Variants in SH3BP5 observed in about 807,000 individuals in gnomAD.
The protein encoded by SH3BP5 is SH3 domain binding protein 5, also known as SH3 domain-binding protein 5.
Under a neutral mutation model 43.3 loss-of-function variants are expected in SH3BP5, and 22 were observed. The ratio of observed to expected loss-of-function variants is 0.51; its 90% CI spans 0.36 to 0.73. The LOEUF (loss-of-function observed/expected upper bound fraction) is 0.73. Ranked by LOEUF, SH3BP5 falls within the 30% of genes least tolerant of loss-of-function variation. SH3BP5 has a pLI of 0.00. For synonymous variants in SH3BP5, 255 were observed against 225.8 expected, an observed-to-expected ratio of 1.13 and a Z score of -1.16; for missense variants, 529 against 586.9, an observed-to-expected ratio of 0.90 and a Z score of 1.02.
chr3:15,304,418 T>A (rs1697840644), intron 2 of SH3BP5, 187 bp from the exon 3 acceptor site: 5 of 845,560 alleles, frequency 5.9e-6, no homozygotes, highest in Non-Finnish European at 9.6e-6. Flanking sequence ...GGCGGAAACG[T>A]CCTGTGCTCT....
chr3:15,256,567 C>G, intron 8 of SH3BP5: 1 of 592,978 alleles, frequency 1.7e-6, no homozygotes, highest in South Asian at 2.1e-5. Flanking sequence ...GCCATATTCA[C>G]TTTATTGCTG....
intron 2 of SH3BP5, among the ~76,000 whole-genome samples, chr3:15,307,559 G>T (rs1697943518): frequency 6.6e-6 from 1 of 152,216 alleles, no homozygotes; most frequent in African/African-American, 2.4e-5. Context: ...GAATACAAAT[G>T]TAAAACATTT....
At chr3:15,306,306 C>G (rs1697903990) in intron 2 of SH3BP5, among the ~76,000 whole-genome samples, 1 of 152,178 alleles carries the variant, frequency 6.6e-6, no homozygotes, top group Non-Finnish European at 1.5e-5. Context: ...TTGCAGTGAG[C>G]TAAGATCGCG....
chr3:15,322,602 C>G (rs1698357457), intron 2 of SH3BP5, among the ~76,000 whole-genome samples: 1 of 151,974 alleles, frequency 6.6e-6, no homozygotes, highest in Admixed American at 6.6e-5. Flanking sequence ...CTTTGGGAAG[C>G]CGAGGCAGGA....
intron 4 of SH3BP5, among the ~76,000 whole-genome samples, chr3:15,266,036 C>G (rs966815409): frequency 6.6e-6 from 1 of 152,212 alleles, no homozygotes; most frequent in Non-Finnish European, 1.5e-5. Context: ...CCTCCTGTTA[C>G]AGCTTTCTCG....
intron 3 of SH3BP5, among the ~76,000 whole-genome samples, chr3:15,298,311 G>A (rs1326987872): frequency 6.6e-6 from 1 of 152,042 alleles, no homozygotes; most frequent in Admixed American, 6.5e-5. Flanking sequence ...CAGAGATTAG[G>A]TAACCTGCCA....
At chr3:15,265,540 A>ACACACACACACACAC (rs1480724003) in intron 4 of SH3BP5, among the ~76,000 whole-genome samples, 2 of 141,344 alleles carry the variant, frequency 1.4e-5, no homozygotes, top group Middle Eastern at 3.5e-3. Context: ...ACACACACAC[A>ACACACACACACACAC]CACACACACA....
chr3:15,270,322 G>A (rs1260387545), intron 3 of SH3BP5, among the ~76,000 whole-genome samples: 4 of 152,128 alleles, frequency 2.6e-5, no homozygotes, highest in Non-Finnish European at 5.9e-5. Context: ...TATAGAAGGG[G>A]GACCTTAGCT....
At chr3:15,281,718 T>C (rs1277350353) in intron 3 of SH3BP5, among the ~76,000 whole-genome samples, 1 of 152,104 alleles carries the variant, frequency 6.6e-6, no homozygotes, top group Non-Finnish European at 1.5e-5. Context: ...AAGAAACATT[T>C]TGGGCCAGGT....
upstream of SH3BP5, among the ~76,000 whole-genome samples, chr3:15,337,215 G>A (rs990964919): frequency 6.7e-6 from 1 of 149,696 alleles, no homozygotes; most frequent in South Asian, 2.1e-4. Flanking sequence ...CTCCTGTGTA[G>A]CTGGGATTAT....
chr3:15,267,927 G>A (rs1157616060), intron 4 of SH3BP5, among the ~76,000 whole-genome samples: 1 of 152,218 alleles, frequency 6.6e-6, no homozygotes, highest in African/African-American at 2.4e-5. Context: ...TGGGGTGGAA[G>A]AAGGGCAAAA....
At chr3:15,312,945 T>C (rs1698095841) in intron 2 of SH3BP5, among the ~76,000 whole-genome samples, 1 of 152,190 alleles carries the variant, frequency 6.6e-6, no homozygotes, top group African/African-American at 2.4e-5. Context: ...GGCTATTTCC[T>C]TTTCAAACTG....
chr3:15,266,827 C>T (rs1229399669), intron 4 of SH3BP5, among the ~76,000 whole-genome samples: 1 of 152,240 alleles, frequency 6.6e-6, no homozygotes, highest in East Asian at 1.9e-4. Context: ...CGGCTTCAGC[C>T]ATGGCTCCAA....
intron 3 of SH3BP5, among the ~76,000 whole-genome samples, chr3:15,288,290 T>C (rs1697319394): frequency 6.6e-6 from 1 of 152,250 alleles, no homozygotes; most frequent in Admixed American, 6.5e-5. Context: ...ACCAGAATTA[T>C]ATTTGACCAC....
rs150138792 is a variant in SH3BP5, at chr3:15,302,219, G to A, written c.330+1884C>T. Among the ~76,000 whole-genome samples the A allele has an allele frequency of 8.5e-5, 13 of 152,274 alleles. 1 individual carries two copies. Among genetic ancestry groups the A allele is most frequent in the East Asian group, 1.9e-4 (1 of 5,180 alleles). ...GGGGCATCTCAAAGATTAATCCAAC[G>A]TGGACACTTTGGAGGGGGAATGCCT... On this transcript the variant is annotated intron_variant, in intron 3 of 8. Coordinates refer to ENST00000383791, the MANE Select transcript of SH3BP5 (RefSeq NM_004844.5).
At chr3:15,266,820 C>T (rs2125059304) in intron 4 of SH3BP5, among the ~76,000 whole-genome samples, 1 of 152,372 alleles carries the variant, frequency 6.6e-6, no homozygotes, top group Non-Finnish European at 1.5e-5. Context: ...AGTATATCGG[C>T]TTCAGCCATG....
intron 2 of SH3BP5, among the ~76,000 whole-genome samples, chr3:15,327,849 A>G (rs1256417922): frequency 6.6e-6 from 1 of 152,220 alleles, no homozygotes; most frequent in African/African-American, 2.4e-5. Flanking sequence ...TCTAGTCTCA[A>G]CTGAAATGTG....
chr3:15,329,199 G>A (rs958874834), intron 2 of SH3BP5, among the ~76,000 whole-genome samples: 3 of 152,088 alleles, frequency 2.0e-5, no homozygotes, highest in African/African-American at 7.2e-5. Flanking sequence ...GTTGCACATG[G>A]CTACCATATG....
intron 6 of SH3BP5, 57 bp from the exon 7 acceptor site, chr3:15,259,107 T>C: frequency 7.2e-7 from 1 of 1,381,568 alleles, no homozygotes; most frequent in Non-Finnish European, 1.0e-6. Flanking sequence ...TAAGATGCTT[T>C]CTGAATGACA....
Sources: gnomAD v4.1 joint callset for allele counts (sites outside exome capture counted in the v4.1 genomes callset) on GRCh38, gnomAD v4.1.1 for gene constraint, MANE v1.5 for transcripts, NCBI Gene and HGNC (gene_info 2026-07-23, HGNC 2026-07-21) for gene names.